Variants in SCN8A observed in about 807,000 individuals in gnomAD.
The protein encoded by SCN8A is sodium voltage-gated channel alpha subunit 8, also known as sodium channel protein type 8 subunit alpha.
Under a neutral mutation model 184.1 loss-of-function variants are expected in SCN8A, and 30 were observed. The observed-to-expected ratio is 0.16, with a 90% CI of 0.12 to 0.22. The LOEUF (loss-of-function observed/expected upper bound fraction) is 0.22, where lower values mean the gene tolerates loss of function less well. Ranked by LOEUF, SCN8A falls within the 10% of genes least tolerant of loss-of-function variation. SCN8A has a pLI of 1.00. For synonymous variants in SCN8A, 852 were observed against 907.0 expected (o/e 0.94, Z 1.09); for missense variants, 1,057 against 2,498.9 (o/e 0.42, Z 12.30).
intron 2 of SCN8A, among the ~76,000 whole-genome samples, chr12:51,664,855 C>G (rs1235265054): frequency 6.6e-6 from 1 of 152,144 alleles, no homozygotes; most frequent in Non-Finnish European, 1.5e-5. Flanking sequence ...CATCTATTAA[C>G]TATTCTTCCT....
intron 12 of SCN8A, among the ~76,000 whole-genome samples, chr12:51,736,777 C>T (rs924021375): frequency 2.0e-5 from 3 of 152,148 alleles, no homozygotes; most frequent in Non-Finnish European, 2.9e-5. Context: ...TTCAATTAAC[C>T]GTGTGGAGTG....
At chr12:51,673,821 C>G (rs1815301320) in intron 2 of SCN8A, among the ~76,000 whole-genome samples, 1 of 152,112 alleles carries the variant, frequency 6.6e-6, no homozygotes, top group African/African-American at 2.4e-5. Context: ...GTGTTAACTG[C>G]TCTAATAGAA....
At chr12:51,761,140 C>T (rs913475634) in intron 14 of SCN8A, among the ~76,000 whole-genome samples, 1 of 151,988 alleles carries the variant, frequency 6.6e-6, no homozygotes, top group Non-Finnish European at 1.5e-5. Flanking sequence ...ATATGGTTAG[C>T]CTAGAATGAA....
intron 20 of SCN8A, among the ~76,000 whole-genome samples, chr12:51,774,842 T>G (rs992211243): frequency 1.5e-4 from 23 of 152,196 alleles, no homozygotes; most frequent in African/African-American, 5.1e-4. Context: ...GATACCGGAC[T>G]CATCCAAACA....
chr12:51,751,189 A>G (rs1326561725), intron 13 of SCN8A, among the ~76,000 whole-genome samples, 166 bp from the exon 14 acceptor site: 1 of 151,978 alleles, frequency 6.6e-6, no homozygotes, highest in Non-Finnish European at 1.5e-5. Flanking sequence ...TGTGTGGATC[A>G]TGCTTCCTCT....
At chr12:51,620,267 T>G (rs1420937917) in intron 1 of SCN8A, among the ~76,000 whole-genome samples, 1 of 152,218 alleles carries the variant, frequency 6.6e-6, no homozygotes, top group Non-Finnish European at 1.5e-5. Context: ...GGATGCTTGC[T>G]TAAAGTTTTT....
chr12:51,709,726 G>GAA (rs139288774), intron 11 of SCN8A, among the ~76,000 whole-genome samples: 14 of 148,868 alleles, frequency 9.4e-5, no homozygotes, highest in African/African-American at 3.2e-4. Flanking sequence ...CTTTGTGGAA[G>GAA]AAAAAAAAAC....
rs192575708 is a variant in SCN8A, at chr12:51,668,415, A to G, written c.276+5322A>G. Among the ~76,000 whole-genome samples, 393 of 152,288 alleles carry G rather than the reference A, an allele frequency of 2.6e-3. 2 individuals are homozygous for G. The highest frequency in any genetic ancestry group is 9.0e-3 in the African/African-American group (373 of 41,570). Reference sequence around the variant, plus strand: ...GGTGGTATAACCAGGACTAGAGCTCATGCCTCCTGACCCTCCATTTATTAC... The same window carrying G: ...GGTGGTATAACCAGGACTAGAGCTCGTGCCTCCTGACCCTCCATTTATTAC... On this transcript the variant is annotated intron_variant, in intron 2 of 26. Transcript: ENST00000627620.
chr12:51,626,960 T>C (rs1156586295), intron 1 of SCN8A, among the ~76,000 whole-genome samples: 1 of 152,118 alleles, frequency 6.6e-6, no homozygotes, highest in Non-Finnish European at 1.5e-5. Context: ...TTTAAGGATC[T>C]GGGGCAGATA....
At chr12:51,603,063 T>TACAG (rs1204391086) in intron 1 of SCN8A, among the ~76,000 whole-genome samples, 2 of 152,218 alleles carry the variant, frequency 1.3e-5, no homozygotes, top group African/African-American at 4.8e-5. Flanking sequence ...AATCTTGGTG[T>TACAG]ACAGCTCTGA....
At chr12:51,764,130 C>T (rs1942802182) in intron 15 of SCN8A, among the ~76,000 whole-genome samples, 1 of 151,836 alleles carries the variant, frequency 6.6e-6, no homozygotes, top group Non-Finnish European at 1.5e-5. Context: ...TATGAGTGGC[C>T]CAGATGTCTG....
At chr12:51,677,473 T>C (rs901666489) in intron 2 of SCN8A, among the ~76,000 whole-genome samples, 1 of 152,150 alleles carries the variant, frequency 6.6e-6, no homozygotes, top group Non-Finnish European at 1.5e-5. Context: ...ATAAACTAGC[T>C]GTACTGCAGT....
At chr12:51,638,951 A>G (rs10783463) in intron 1 of SCN8A, among the ~76,000 whole-genome samples, 131,000 of 152,168 alleles carry the variant, frequency 0.86, 56,626 homozygotes, top group East Asian at 0.99. Context: ...GACAGATGAG[A>G]GGTTGCTTTT....
At chr12:51,635,602 A>T (rs1940299512) in intron 1 of SCN8A, among the ~76,000 whole-genome samples, 1 of 152,226 alleles carries the variant, frequency 6.6e-6, no homozygotes, top group African/African-American at 2.4e-5. Context: ...TAGGCTGAGT[A>T]ATAAGATGTG....
chr12:51,746,015 T>A lies in SCN8A; in HGVS notation c.2111T>A (p.Val704Asp). 1 of 1,609,720 alleles carries A rather than the reference T, an allele frequency of 6.2e-7. No homozygotes were observed. The highest frequency in any genetic ancestry group is 8.5e-7 in the Non-Finnish European group (1 of 1,178,058). ...AGAATCAACAGTATAATGAGTGTTG[T>A]TACAAATACACTAGTAGAAGGTATG... ...KDRINSIMSV[V>D]TNTLVEELEE... The change falls in exon 13 of 27, where the codon GTT becomes GAT. Residue 704 changes from valine (V) to aspartate (D), a missense_variant. Transcript: ENST00000627620.
chr12:51,649,171 G>A (rs1940655192), intron 1 of SCN8A, among the ~76,000 whole-genome samples: 1 of 152,222 alleles, frequency 6.6e-6, no homozygotes. Flanking sequence ...TCACACTGAT[G>A]CAATAGGTGG....
intron 3 of SCN8A, 151 bp from the exon 4 acceptor site, chr12:51,686,217 A>C (rs1941416845): frequency 1.6e-6 from 1 of 643,874 alleles, no homozygotes. Flanking sequence ...TGGTGACCAC[A>C]GTTTTCATTG....
intron 11 of SCN8A, among the ~76,000 whole-genome samples, chr12:51,718,318 A>T (rs1021901248): frequency 1.1e-4 from 16 of 151,772 alleles, no homozygotes; most frequent in Admixed American, 1.3e-4. Flanking sequence ...CATCTCTATT[A>T]AAAAAAATTT....
chr12:51,704,986 A>G (rs1233080062), intron 9 of SCN8A, among the ~76,000 whole-genome samples: 1 of 152,122 alleles, frequency 6.6e-6, no homozygotes, highest in Non-Finnish European at 1.5e-5. Context: ...AAAAAAAAAT[A>G]AATAAAATAA....
Sources: allele counts gnomAD v4.1 joint callset (sites outside exome capture counted in the v4.1 genomes callset), GRCh38; gene constraint gnomAD v4.1.1; transcripts MANE v1.5; gene names NCBI Gene and HGNC (gene_info 2026-07-23, HGNC 2026-07-21).